Variants in PPFIBP2 observed in about 807,000 individuals in gnomAD.
PPFIBP2 encodes liprin-beta-2.
PPFIBP2 carries 118 observed loss-of-function variants against 118.3 expected under a neutral mutation model. That is an observed-to-expected ratio of 1.00 (90% CI 0.86 to 1.16). PPFIBP2 has a LOEUF of 1.16. Among genes scored for constraint, PPFIBP2 ranks in the 50% most tolerant of loss-of-function variants. PPFIBP2 has a pLI of 0.00. For synonymous variants in PPFIBP2, 414 were observed against 397.4 expected, an observed-to-expected ratio of 1.04 and a Z score of -0.50; for missense variants, 1,195 against 1,073.1, an observed-to-expected ratio of 1.11 and a Z score of -1.59.
intron 21 of PPFIBP2, 120 bp from the exon 22 acceptor site, chr11:7,650,720 G>C (rs759695741): frequency 3.5e-5 from 39 of 1,106,582 alleles, no homozygotes; most frequent in Non-Finnish European, 4.8e-5. Context: ...CACTAAGCTT[G>C]AGGGCCTTCT....
At chr11:7,666,617 C>T in the PPFIBP2 span, 2 of 1,192,746 alleles carry the variant, frequency 1.7e-6, no homozygotes, top group Non-Finnish European at 2.5e-6. Flanking sequence ...ACTGACTACA[C>T]CGGTCAGCAT....
At chr11:7,542,305 T>A (rs1321831227) in intron 1 of PPFIBP2, among the ~76,000 whole-genome samples, 1 of 152,264 alleles carries the variant, frequency 6.6e-6, no homozygotes, top group Non-Finnish European at 1.5e-5. Flanking sequence ...ATCTGCCCAA[T>A]ATATGGTAAC....
chr11:7,596,359 G>A (rs1479834434), intron 4 of PPFIBP2, among the ~76,000 whole-genome samples: 1 of 150,870 alleles, frequency 6.6e-6, no homozygotes, highest in African/African-American at 2.4e-5. Context: ...CGTGTAAGGT[G>A]GACCAAGTTG....
intron 3 of PPFIBP2, chr11:7,577,491 G>C (rs372270613): frequency 8.0e-5 from 36 of 447,372 alleles, no homozygotes; most frequent in Admixed American, 3.1e-4. Context: ...AGTTCTTGAG[G>C]GGGGAGGGGG....
intron 4 of PPFIBP2, among the ~76,000 whole-genome samples, chr11:7,593,514 T>C (rs1386694626): frequency 6.6e-6 from 1 of 152,174 alleles, no homozygotes; most frequent in African/African-American, 2.4e-5. Flanking sequence ...TTCCAGGTGC[T>C]AAGAATGAAC....
chr11:7,649,465 G>A, intron 20 of PPFIBP2, 67 bp from the exon 21 acceptor site: 1 of 1,593,924 alleles, frequency 6.3e-7, no homozygotes, highest in Non-Finnish European at 8.6e-7. Flanking sequence ...TTGGTCTGGT[G>A]AGGGACATCA....
chr11:7,530,679 C>T (rs1460098920), intron 1 of PPFIBP2, among the ~76,000 whole-genome samples: 1 of 152,214 alleles, frequency 6.6e-6, no homozygotes. Flanking sequence ...TGTGAGCTAC[C>T]TTCCCAATTT....
At chr11:7,531,132 G>A (rs960657756) in intron 1 of PPFIBP2, among the ~76,000 whole-genome samples, 1 of 152,140 alleles carries the variant, frequency 6.6e-6, no homozygotes, top group South Asian at 2.1e-4. Context: ...TCTTTGGCCT[G>A]CAGGAACACT....
At chr11:7,598,859 G>C (rs1218233730) in intron 5 of PPFIBP2, among the ~76,000 whole-genome samples, 2 of 128,928 alleles carry the variant, frequency 1.6e-5, no homozygotes, top group Non-Finnish European at 1.5e-5. Flanking sequence ...AATTAATCTG[G>C]TGTTTGTTAG....
Position 7,549,511 on chromosome 11 carries a change from C to T in PPFIBP2, c.36C>T (p.Ala12=), listed in dbSNP as rs187359974. Residue 12 remains alanine (A), a synonymous_variant, in exon 2 of 24, where the codon GCC becomes GCT. Transcript: ENST00000299492. The part of the protein sequence containing the change: ...ASDASHALEA[A]LEQMDGIIAG... ...ATGCTAGTCATGCGCTGGAAGCTGC[C>T]CTGGAGCAAATGGACGGGATCATTG... is the stretch of plus-strand genomic sequence containing the variant. 1.8e-5 allele frequency: 28 copies of T among 1,563,744 alleles called. No individual in the cohort carries two copies. In the Middle Eastern group the frequency reaches 5.0e-4, roughly 28 times the overall value.
intron 7 of PPFIBP2, among the ~76,000 whole-genome samples, chr11:7,625,059 C>T (rs568314716): frequency 1.1e-4 from 16 of 152,336 alleles, no homozygotes; most frequent in African/African-American, 3.8e-4. Context: ...GACATGGGAA[C>T]CATCTAGTGC....
intron 17 of PPFIBP2, among the ~76,000 whole-genome samples, chr11:7,645,050 AAAAAAAAAAG>A (rs1852840582): frequency 6.8e-6 from 1 of 146,198 alleles, no homozygotes; most frequent in African/African-American, 2.5e-5. Context: ...AAAAAAAAAA[AAAAAAAAAAG>A]GTATTTTAAA....
downstream of PPFIBP2, among the ~76,000 whole-genome samples, chr11:7,661,667 C>G (rs1273580793): frequency 1.4e-4 from 13 of 94,240 alleles, 2 homozygotes; most frequent in African/African-American, 4.4e-4. Flanking sequence ...ATTAGGTCCA[C>G]TTGGTGCAGA....
At chr11:7,554,629 G>A (rs1282705807) in intron 2 of PPFIBP2, among the ~76,000 whole-genome samples, 2 of 152,126 alleles carry the variant, frequency 1.3e-5, no homozygotes, top group East Asian at 3.8e-4. Context: ...CAGAGCCACG[G>A]TGCGATGGCC....
intron 1 of PPFIBP2, among the ~76,000 whole-genome samples, chr11:7,527,945 C>T (rs1850370029): frequency 6.6e-6 from 1 of 152,156 alleles, no homozygotes; most frequent in Non-Finnish European, 1.5e-5. Context: ...AGTCTGTGCT[C>T]ACTTAAATTT....
At chr11:7,560,763 G>A (rs1168765198) in intron 2 of PPFIBP2, among the ~76,000 whole-genome samples, 1 of 152,216 alleles carries the variant, frequency 6.6e-6, no homozygotes, top group East Asian at 1.9e-4. Context: ...AACAGTGTAT[G>A]AGGGTACCCT....
intron 17 of PPFIBP2, among the ~76,000 whole-genome samples, chr11:7,644,538 G>A (rs1852683655): frequency 6.6e-6 from 1 of 152,058 alleles, no homozygotes; most frequent in Non-Finnish European, 1.5e-5. Context: ...TTTAGGAGAG[G>A]TCCCCAATCC....
At chr11:7,551,762 A>G (rs1371772296) in intron 2 of PPFIBP2, among the ~76,000 whole-genome samples, 2 of 152,240 alleles carry the variant, frequency 1.3e-5, no homozygotes, top group Non-Finnish European at 2.9e-5. Context: ...TGGGGTCAGT[A>G]CCTCTTTCTG....
intron 23 of PPFIBP2, among the ~76,000 whole-genome samples, chr11:7,652,645 G>A (rs1854216241): frequency 6.6e-6 from 1 of 152,224 alleles, no homozygotes; most frequent in South Asian, 2.1e-4. Flanking sequence ...GTGCTGAGAT[G>A]GGAAAGGGTT....
Sources: gnomAD v4.1 joint callset for allele counts (sites outside exome capture counted in the v4.1 genomes callset) on GRCh38, gnomAD v4.1.1 for gene constraint, MANE v1.5 for transcripts, NCBI Gene and HGNC (gene_info 2026-07-23, HGNC 2026-07-21) for gene names.